The following FRMPD4 variants were observed in gnomAD, a reference collection of about 807,000 sequenced individuals.
The protein encoded by FRMPD4 is FERM and PDZ domain-containing protein 4.
A neutral mutation model predicts 94.1 loss-of-function variants in FRMPD4; 22 were observed. That is an observed-to-expected ratio of 0.23 (90% CI 0.17 to 0.33). The LOEUF (loss-of-function observed/expected upper bound fraction) is 0.33. Ranked by LOEUF, FRMPD4 falls within the 10% of genes least tolerant of loss-of-function variation. The pLI is 1.00. For synonymous variants in FRMPD4, 631 were observed against 548.6 expected, an observed-to-expected ratio of 1.15 and a Z score of -2.10; for missense variants, 1,111 against 1,339.9, an observed-to-expected ratio of 0.83 and a Z score of 2.67.
chrX:11,949,200 T>C (rs2054206829), intron 3 of FRMPD4, among the ~76,000 whole-genome samples: 1 of 112,051 alleles, frequency 8.9e-6, no homozygotes, highest in Admixed American at 9.5e-5. Flanking sequence ...GCGAATGTAA[T>C]GCCACTGAGT....
intron 5 of FRMPD4, among the ~76,000 whole-genome samples, chrX:12,681,696 T>TACACACACAC (rs35651585): frequency 9.6e-6 from 1 of 104,027 alleles, no homozygotes; most frequent in African/African-American, 3.5e-5. Flanking sequence ...CCATCCAGGA[T>TACACACACAC]ACACACACAC....
chrX:12,211,136 A>G (rs1378788511), intron 1 of FRMPD4, among the ~76,000 whole-genome samples: 1 of 112,297 alleles, frequency 8.9e-6, no homozygotes, highest in Non-Finnish European at 1.9e-5. Flanking sequence ...GCATTTTTGC[A>G]GTTCTCACTA....
intron 2 of FRMPD4, among the ~76,000 whole-genome samples, chrX:12,531,187 CTAAT>C (rs1192183994): frequency 3.6e-5 from 4 of 112,304 alleles, no homozygotes; most frequent in Non-Finnish European, 7.5e-5. Flanking sequence ...GAGAACAAAA[CTAAT>C]TATTTGTGCA....
exon 1 of FRMPD4, among the ~76,000 whole-genome samples, chrX:11,822,539 G>A (rs926996720): frequency 8.9e-6 from 1 of 112,035 alleles, no homozygotes; most frequent in African/African-American, 3.2e-5. Flanking sequence ...ATGGGGAAAG[G>A]ATGGGGTCAC....
At chrX:11,909,846 GT>G (rs201794656) in intron 3 of FRMPD4, among the ~76,000 whole-genome samples, 164 of 107,305 alleles carry the variant, frequency 1.5e-3, no homozygotes, top group Admixed American at 4.4e-3. Context: ...TTTTCCTAGT[GT>G]TTTTTTTTCT....
rs1260610107 is a variant in FRMPD4 at position 12,317,611 on chromosome X, AAC to A, written c.41+178601_41+178602del. On this transcript the variant is annotated intron_variant, in intron 1 of 16. Coordinates refer to ENST00000675598, the MANE Select transcript of FRMPD4 (RefSeq NM_001368397.1). The stretch of plus-strand genomic sequence containing the variant: ...AAAAAAAAAAAAAAAAAACAAAAAA[AAC>A]AAAAACCCAAGTAATCTGATTAAAA... 4.5e-4 allele frequency among the ~76,000 whole-genome samples: 47 copies of A among 105,003 alleles called. 2 individuals carry two copies. The highest frequency in any genetic ancestry group is 1.7e-3 in the African/African-American group (45 of 25,762). 91.2% of individuals were successfully genotyped at this position (105,003 alleles called of 115,157 possible). A position where few individuals can be genotyped will look rare whatever the true frequency, so the allele number is the denominator to read the frequency against.
At chrX:11,829,226 A>C (rs2053461442) in intron 1 of FRMPD4, among the ~76,000 whole-genome samples, 1 of 111,884 alleles carries the variant, frequency 8.9e-6, no homozygotes, top group Non-Finnish European at 1.9e-5. Flanking sequence ...TGGGTACCCC[A>C]TGGCCCAGTC....
intron 3 of FRMPD4, among the ~76,000 whole-genome samples, chrX:11,944,705 C>T (rs769052761): frequency 9.0e-6 from 1 of 111,195 alleles, no homozygotes; most frequent in East Asian, 2.8e-4. Flanking sequence ...GTTGCTAGTC[C>T]TCGCACCCCG....
intron 1 of FRMPD4, among the ~76,000 whole-genome samples, chrX:12,200,245 A>C (rs1444821443): frequency 8.9e-6 from 1 of 111,844 alleles, no homozygotes; most frequent in Admixed American, 9.5e-5. Flanking sequence ...GTTAAACTAT[A>C]AACTAATTTC....
intron 3 of FRMPD4, among the ~76,000 whole-genome samples, chrX:12,085,121 T>A (rs2055096801): frequency 8.9e-6 from 1 of 112,117 alleles, no homozygotes. Context: ...TAATGCCCCA[T>A]AATAGCAGAT....
At chrX:12,526,952 G>T (rs924937876) in intron 2 of FRMPD4, among the ~76,000 whole-genome samples, 1 of 110,918 alleles carries the variant, frequency 9.0e-6, no homozygotes, top group Non-Finnish European at 1.9e-5. Flanking sequence ...ATGCCCAGGA[G>T]TCTAAGCCCT....
At chrX:12,294,206 G>A (rs1237082585) in intron 1 of FRMPD4, among the ~76,000 whole-genome samples, 4 of 111,263 alleles carry the variant, frequency 3.6e-5, no homozygotes, top group Non-Finnish European at 7.5e-5. Context: ...GGTGTCCCTA[G>A]AACTCCAGTG....
chrX:12,623,206 G>GAAA (rs1328937570), intron 4 of FRMPD4, among the ~76,000 whole-genome samples: 12 of 6,179 alleles, frequency 1.9e-3, no homozygotes, highest in Admixed American at 5.7e-3. Context: ...AAGAAAGAAA[G>GAAA]GAAGGAAGGA....
At chrX:12,305,677 C>T (rs1338778866) in intron 1 of FRMPD4, among the ~76,000 whole-genome samples, 1 of 104,157 alleles carries the variant, frequency 9.6e-6, no homozygotes, top group Non-Finnish European at 1.9e-5. Flanking sequence ...CTTTCTTCAG[C>T]CTCCTTAGTA....
At chrX:11,862,407 A>C (rs768951441) in intron 1 of FRMPD4, among the ~76,000 whole-genome samples, 1 of 111,584 alleles carries the variant, frequency 9.0e-6, no homozygotes, top group East Asian at 2.8e-4. Flanking sequence ...AAGTTTACAC[A>C]TGGATTAGGC....
At chrX:11,918,375 C>G (rs894720040) in intron 3 of FRMPD4, among the ~76,000 whole-genome samples, 1 of 111,523 alleles carries the variant, frequency 9.0e-6, no homozygotes, top group Non-Finnish European at 1.9e-5. Context: ...GAGGCCAAGG[C>G]GGGTGGATCA....
intron 1 of FRMPD4, among the ~76,000 whole-genome samples, chrX:12,498,037 C>G (rs2057871380): frequency 9.0e-6 from 1 of 111,039 alleles, no homozygotes; most frequent in South Asian, 3.9e-4. Context: ...GCTGTTTCCT[C>G]TTTGCAAAGG....
At chrX:12,332,088 AT>A (rs1440362924) in intron 1 of FRMPD4, among the ~76,000 whole-genome samples, 1 of 62,461 alleles carries the variant, frequency 1.6e-5, no homozygotes, top group Non-Finnish European at 2.9e-5. Flanking sequence ...TATATAATTT[AT>A]ATTATATATA....
chrX:12,491,425 A>G (rs777778533), intron 1 of FRMPD4, among the ~76,000 whole-genome samples: 26 of 111,818 alleles, frequency 2.3e-4, no homozygotes, highest in Non-Finnish European at 3.4e-4. Context: ...TTTGTAACCA[A>G]CTTTGTTCAT....
Sources: allele counts gnomAD v4.1 joint callset (sites outside exome capture counted in the v4.1 genomes callset), GRCh38; gene constraint gnomAD v4.1.1; transcripts MANE v1.5; gene names NCBI Gene and HGNC (gene_info 2026-07-23, HGNC 2026-07-21).